FHIP2A: variants seen among roughly 807,000 people sequenced by gnomAD.
The protein encoded by FHIP2A is family with sequence similarity 160 member B1.
FHIP2A carries 46 observed loss-of-function variants against 93.5 expected under a neutral mutation model. The ratio of observed to expected loss-of-function variants is 0.49; its 90% CI spans 0.39 to 0.63. The LOEUF is 0.63. Among genes scored for constraint, FHIP2A ranks in the 20% least tolerant of loss-of-function variants. FHIP2A has a pLI of 0.00. For missense variants in FHIP2A, 769 were observed against 909.7 expected, an observed-to-expected ratio of 0.85 and a Z score of 1.99; for synonymous variants, 332 against 326.5, an observed-to-expected ratio of 1.02 and a Z score of -0.18.
At chr10:114,829,111 A>G (rs2083593665) in intron 1 of FHIP2A, among the ~76,000 whole-genome samples, 1 of 152,244 alleles carries the variant, frequency 6.6e-6, no homozygotes, top group Non-Finnish European at 1.5e-5. Flanking sequence ...GAGGAAGTCT[A>G]TGAAAATGGA....
chr10:114,886,936 T>A (rs1002206044), intron 16 of FHIP2A, among the ~76,000 whole-genome samples: 4 of 152,136 alleles, frequency 2.6e-5, no homozygotes, highest in Non-Finnish European at 5.9e-5. Flanking sequence ...ATTTTCTCTG[T>A]TTTTACAGAA....
chr10:114,897,816 G>C (rs2084008260), intron 16 of FHIP2A, among the ~76,000 whole-genome samples: 1 of 152,178 alleles, frequency 6.6e-6, no homozygotes, highest in African/African-American at 2.4e-5. Flanking sequence ...GGCTGAGGTG[G>C]GAGGATTGAT....
chr10:114,823,221 A>C (rs976124761), intron 1 of FHIP2A, among the ~76,000 whole-genome samples: 1 of 152,208 alleles, frequency 6.6e-6, no homozygotes, highest in South Asian at 2.1e-4. Context: ...ACTTTAGTAC[A>C]ATTGTTATTT....
intron 7 of FHIP2A, among the ~76,000 whole-genome samples, chr10:114,845,074 G>A (rs749826336): frequency 2.6e-5 from 4 of 151,484 alleles, no homozygotes; most frequent in Non-Finnish European, 4.4e-5. Context: ...GCCTCCCAAA[G>A]TGCTGGTATT....
intron 16 of FHIP2A, among the ~76,000 whole-genome samples, chr10:114,880,961 T>C (rs1592032788): frequency 6.6e-6 from 1 of 152,324 alleles, no homozygotes; most frequent in East Asian, 1.9e-4. Flanking sequence ...AATTATTATA[T>C]GGAAATTCCA....
chr10:114,882,924 C>A (rs995987459), intron 16 of FHIP2A, among the ~76,000 whole-genome samples: 39 of 151,726 alleles, frequency 2.6e-4, no homozygotes, highest in African/African-American at 9.4e-4. Context: ...GCAGCAGTTC[C>A]TTTTTCAGCT....
intron 7 of FHIP2A, among the ~76,000 whole-genome samples, chr10:114,844,658 G>A (rs987027700): frequency 2.0e-5 from 3 of 152,074 alleles, no homozygotes; most frequent in South Asian, 4.1e-4. Context: ...CCCATTTACC[G>A]TTCTTTTCTT....
intron 3 of FHIP2A, 76 bp from the exon 4 acceptor site, chr10:114,835,461 A>G: frequency 1.2e-6 from 1 of 849,710 alleles, no homozygotes; most frequent in Non-Finnish European, 1.9e-6. Flanking sequence ...TGTCTCTCCA[A>G]TTTTTTAAGC....
intron 13 of FHIP2A, among the ~76,000 whole-genome samples, 178 bp downstream of exon 13, chr10:114,848,915 G>A (rs1458636087): frequency 2.0e-5 from 3 of 151,974 alleles, no homozygotes; most frequent in African/African-American, 7.3e-5. Context: ...GGCCGAAGCG[G>A]ATGGATCACT....
chr10:114,846,076 C>T lies in FHIP2A; in HGVS notation c.1192C>T (p.Gln398Ter). 1 of 1,613,898 alleles carries T rather than the reference C, an allele frequency of 6.2e-7. No individual in the cohort carries two copies. Among genetic ancestry groups the T allele is most frequent in the Non-Finnish European group, 8.5e-7 (1 of 1,179,894 alleles). ...ATTTTTCATTGGTGTTATGGAACCT[C>T]AATTAATGCAAACGTGAGTAGCCTG... ...ERFFIGVMEP[Q>*]LMQTSEMGIL... The change falls in exon 9 of 17, where the codon CAA (glutamine) becomes TAA (stop). Residue 398 changes from glutamine to a stop codon, truncating the protein, a stop_gained. Transcript: ENST00000369248. LOFTEE classifies it high-confidence loss of function.
chr10:114,874,340 A>AT (rs1324609088), intron 16 of FHIP2A, among the ~76,000 whole-genome samples: 1 of 152,208 alleles, frequency 6.6e-6, no homozygotes, highest in Non-Finnish European at 1.5e-5. Context: ...CCTGTGCCCC[A>AT]TTACTTATAG....
chr10:114,882,267 G>A lies in FHIP2A; in HGVS notation c.2193-17223G>A, dbSNP rs574688516. The stretch of plus-strand genomic sequence containing the variant: ...AGAATGAGGCAGTCTGTCCCCAGAC[G>A]TTTCCACTGTGTCTCTAGCCACAGG... On this transcript the variant is annotated intron_variant, in intron 16 of 16. Transcript: ENST00000369250. Among the ~76,000 whole-genome samples, 152 of 152,318 alleles carry A rather than the reference G, an allele frequency of 1.0e-3. No individual in the cohort carries two copies. In the South Asian group the frequency reaches 0.013, roughly 14 times the overall value.
intron 2 of FHIP2A, 32 bp downstream of exon 2, chr10:114,830,962 T>C: frequency 2.2e-6 from 3 of 1,342,630 alleles, no homozygotes; most frequent in Non-Finnish European, 3.1e-6. Context: ...AACTGAAAAT[T>C]TGTGAAAGTT....
chr10:114,861,384 A>G lies in FHIP2A; in HGVS notation c.2192+50A>G, dbSNP rs766880527. On this transcript the variant is annotated intron_variant, in intron 16 of 16. Transcript: ENST00000369248. Reference sequence around the variant, plus strand: ...TAATCCAAAAATTTCAGTGAACTTAATGATCGGCTGCTATCTTGAATTGAT... The same window carrying G: ...TAATCCAAAAATTTCAGTGAACTTAGTGATCGGCTGCTATCTTGAATTGAT... The G allele has an allele frequency of 2.5e-6, 4 of 1,613,976 alleles. No individual in the cohort carries two copies. In the South Asian group the frequency reaches 3.3e-5, roughly 13 times the overall value.
At chr10:114,844,904 C>T (rs916558108) in intron 7 of FHIP2A, among the ~76,000 whole-genome samples, 8 of 152,010 alleles carry the variant, frequency 5.3e-5, no homozygotes, top group African/African-American at 1.9e-4. Flanking sequence ...CGTGCCTCAG[C>T]TTCCCAAGTA....
Position 114,845,434 on chromosome 10 carries a change from C to G in FHIP2A, c.1081C>G (p.Leu361Val), listed in dbSNP as rs897451405. ...AGGAAAACGAGCCTTAATTTCATTT[C>G]TTTCCTGGTTTGATTATTGTGATCA... Reference protein sequence around the residue: ...FPGKRALISFLSWFDYCDQLI... With the variant: ...FPGKRALISFVSWFDYCDQLI... The change falls in exon 8 of 17, where the codon CTT (leucine) becomes GTT (valine). Residue 361 changes from leucine (L) to valine (V), a missense_variant. Leu to Val is a conservative substitution (Grantham distance 32, BLOSUM62 1). Coordinates refer to ENST00000369248, the MANE Select transcript of FHIP2A (RefSeq NM_020940.4). 6.2e-7 allele frequency: 1 copy of G among 1,613,514 alleles called. No homozygotes were observed. Among genetic ancestry groups the G allele is most frequent in the Non-Finnish European group, 8.5e-7 (1 of 1,179,636 alleles).
At chr10:114,843,445 C>T (rs1441887730) in intron 6 of FHIP2A, among the ~76,000 whole-genome samples, 1 of 151,764 alleles carries the variant, frequency 6.6e-6, no homozygotes, top group Non-Finnish European at 1.5e-5. Flanking sequence ...GCTGGGATTA[C>T]AGGTGCACGC....
intron 16 of FHIP2A, among the ~76,000 whole-genome samples, chr10:114,895,527 G>A (rs1412016316): frequency 1.3e-5 from 2 of 152,082 alleles, no homozygotes; most frequent in East Asian, 1.9e-4. Flanking sequence ...CCTTAATAAC[G>A]ATACCTTAGC....
intron 5 of FHIP2A, among the ~76,000 whole-genome samples, chr10:114,839,677 T>A (rs1407313364): frequency 6.6e-6 from 1 of 151,574 alleles, no homozygotes; most frequent in African/African-American, 2.4e-5. Flanking sequence ...AGGAGATCAA[T>A]CAAGATCATC....
Sources: gnomAD v4.1 joint callset for allele counts (sites outside exome capture counted in the v4.1 genomes callset) on GRCh38, gnomAD v4.1.1 for gene constraint, MANE v1.5 for transcripts, NCBI Gene and HGNC (gene_info 2026-07-23, HGNC 2026-07-21) for gene names.